Variants in KCNJ6 observed in about 807,000 individuals in gnomAD.
KCNJ6 encodes potassium inwardly rectifying channel subfamily J member 6, also known as G protein-activated inward rectifier potassium channel 2.
KCNJ6 carries 9 observed loss-of-function variants against 34.2 expected under a neutral mutation model. That is an observed-to-expected ratio of 0.26 (90% CI 0.16 to 0.46). The LOEUF (loss-of-function observed/expected upper bound fraction) is 0.46, where lower values mean the gene tolerates loss of function less well. Among genes scored for constraint, KCNJ6 ranks in the 20% least tolerant of loss-of-function variants. The probability of loss-of-function intolerance (pLI) is 1.00; values close to 1 mark genes in which losing one functional copy is unlikely to be tolerated. For missense variants in KCNJ6, 236 were observed against 531.3 expected, an observed-to-expected ratio of 0.44 and a Z score of 5.46; for synonymous variants, 196 against 207.1, an observed-to-expected ratio of 0.95 and a Z score of 0.46.
At chr21:37,707,735 G>GTGTGTGTGTGTATGTGTGCATGTGTATTC (rs1267356647) in intron 3 of KCNJ6, among the ~76,000 whole-genome samples, 1 of 149,680 alleles carries the variant, frequency 6.7e-6, no homozygotes, top group Non-Finnish European at 1.5e-5. Flanking sequence ...GTGTGTGTGT[G>GTGTGTGTGTGTATGTGTGCATGTGTATTC]AATAATTTAC....
chr21:37,863,846 G>GTTTTTTTTTGT, intron 1 of KCNJ6, among the ~76,000 whole-genome samples: 1 of 97,042 alleles, frequency 1.0e-5, no homozygotes, highest in Non-Finnish European at 2.0e-5. Context: ...AAATATAAAG[G>GTTTTTTTTTGT]TTTTTTTTTT....
chr21:37,777,638 C>CT (rs2055148588), intron 2 of KCNJ6, among the ~76,000 whole-genome samples: 1 of 152,108 alleles, frequency 6.6e-6, no homozygotes, highest in African/African-American at 2.4e-5. Context: ...GAACTGACAT[C>CT]TTTTTTGACA....
intron 2 of KCNJ6, among the ~76,000 whole-genome samples, chr21:37,760,714 A>T (rs1032776315): frequency 3.9e-5 from 6 of 152,166 alleles, no homozygotes; most frequent in Non-Finnish European, 7.3e-5. Context: ...ATGTTTTGGG[A>T]TGCAAGAAAA....
At chr21:37,696,902 C>G (rs755382187) in intron 3 of KCNJ6, among the ~76,000 whole-genome samples, 3 of 152,072 alleles carry the variant, frequency 2.0e-5, no homozygotes, top group Non-Finnish European at 4.4e-5. Context: ...TTCCTTCTGC[C>G]CCTAGCTCCT....
intron 3 of KCNJ6, among the ~76,000 whole-genome samples, chr21:37,633,289 A>G (rs904330126): frequency 6.6e-6 from 1 of 152,144 alleles, no homozygotes; most frequent in Admixed American, 6.5e-5. Flanking sequence ...TTATGATGAA[A>G]CTTCTTAATA....
intron 2 of KCNJ6, among the ~76,000 whole-genome samples, chr21:37,774,312 A>T (rs901785121): frequency 3.9e-5 from 6 of 152,116 alleles, no homozygotes; most frequent in Non-Finnish European, 8.8e-5. Flanking sequence ...AGAAGATAAT[A>T]GCAGCTTGTC....
intron 1 of KCNJ6, among the ~76,000 whole-genome samples, chr21:37,875,475 C>T (rs935366423): frequency 3.2e-4 from 48 of 152,108 alleles, no homozygotes; most frequent in East Asian, 5.8e-4. Flanking sequence ...GCAGCCAGGG[C>T]GCTAATCTTC....
chr21:37,888,443 ATTTTT>A lies in KCNJ6; in HGVS notation c.-28+27436_-28+27440del, dbSNP rs757478942. Among the ~76,000 whole-genome samples, 17 of 152,210 alleles carry A rather than the reference ATTTTT, an allele frequency of 1.1e-4. No individual in the cohort carries two copies. The East Asian group carries it at 3.3e-3, about 29-fold the overall frequency. On this transcript the variant is annotated intron_variant, in intron 1 of 3. Coordinates refer to ENST00000609713, the MANE Select transcript of KCNJ6 (RefSeq NM_002240.5). ...GTTTTGGAATACAAGGGCCAGATGG[ATTTTT>A]TTTAAGTTCTCCAAAGGTTGACTTT...
At chr21:37,702,734 A>G (rs2054698000) in intron 3 of KCNJ6, among the ~76,000 whole-genome samples, 1 of 152,222 alleles carries the variant, frequency 6.6e-6, no homozygotes, top group South Asian at 2.1e-4. Context: ...TGGTTGGAAT[A>G]GGCTCTGAGG....
At chr21:37,876,310 G>A (rs6517440) in intron 1 of KCNJ6, among the ~76,000 whole-genome samples, 152,289 of 152,290 alleles carry the variant, frequency 1, 76,144 homozygotes, top group Non-Finnish European at 1. Flanking sequence ...ACGGTTTCAG[G>A]GGTTAAGTAA....
intron 2 of KCNJ6, among the ~76,000 whole-genome samples, chr21:37,802,219 T>C (rs971595001): frequency 6.6e-6 from 1 of 152,170 alleles, no homozygotes; most frequent in African/African-American, 2.4e-5. Context: ...GAAGCAGTTG[T>C]TGCAGGGGGG....
chr21:37,879,759 C>T (rs943631776), intron 1 of KCNJ6, among the ~76,000 whole-genome samples: 2 of 111,630 alleles, frequency 1.8e-5, no homozygotes, highest in Admixed American at 1.8e-4. Context: ...GTGTGTGTGA[C>T]AGAGAGAGAG....
rs200774860 is a variant in KCNJ6 at position 37,761,599 on chromosome 21, TTGTG to T, written c.26-46472_26-46469del. Among the ~76,000 whole-genome samples, 1,309 of 149,338 alleles carry T rather than the reference TTGTG, an allele frequency of 8.8e-3. 53 individuals carry two copies. Among genetic ancestry groups the T allele is most frequent in the Admixed American group, 0.067 (985 of 14,662 alleles). ...TAGTGTGTGTGTATATTTGTGTGTGTTGTGTGTATGTAGTATTTGTGTATGTGTT... is the reference window on the plus strand; with the variant it reads ...TAGTGTGTGTGTATATTTGTGTGTGTTGTATGTAGTATTTGTGTATGTGTT... On this transcript the variant is annotated intron_variant, in intron 2 of 3. Coordinates refer to ENST00000609713, the MANE Select transcript of KCNJ6 (RefSeq NM_002240.5).
intron 3 of KCNJ6, among the ~76,000 whole-genome samples, chr21:37,703,031 T>G (rs1196386473): frequency 6.6e-6 from 1 of 152,094 alleles, no homozygotes; most frequent in Non-Finnish European, 1.5e-5. Flanking sequence ...GGACAGGTGA[T>G]TCTTTCTAGA....
chr21:37,714,239 G>C lies in KCNJ6; in HGVS notation c.918C>G (p.Val306=), dbSNP rs1569450579. 6.2e-7 allele frequency: 1 copy of C among 1,613,822 alleles called. No individual in the cohort carries two copies. The highest frequency in any genetic ancestry group is 8.5e-7 in the Non-Finnish European group (1 of 1,179,804). ...TGGCTTCCACCATTCCTTCTAGGAT[G>C]ACCACAATTTCCAGTTCCTCTTTGG... The part of the protein sequence containing the change: ...QLPKEELEIV[V]ILEGMVEATG... The change falls in exon 3 of 4, where the codon GTC becomes GTG. Residue 306 remains valine (V), a synonymous_variant. Coordinates refer to ENST00000609713, the MANE Select transcript of KCNJ6 (RefSeq NM_002240.5). This position sits in a 1 kb window ranked among gnomAD's most constrained non-coding sequence, Gnocchi z 5.9.
chr21:37,645,095 C>T (rs2123381108), intron 3 of KCNJ6, among the ~76,000 whole-genome samples: 1 of 149,410 alleles, frequency 6.7e-6, no homozygotes, highest in Non-Finnish European at 1.5e-5. Flanking sequence ...TAAAACAAGG[C>T]TGGGTATGGT....
At chr21:37,720,996 C>A (rs1006356273) in intron 2 of KCNJ6, among the ~76,000 whole-genome samples, 3 of 152,012 alleles carry the variant, frequency 2.0e-5, no homozygotes, top group Non-Finnish European at 2.9e-5. Flanking sequence ...CGTGAGCCAC[C>A]GCGCCCGGCC....
chr21:37,864,869 CTCT>C (rs1293977546), intron 1 of KCNJ6, among the ~76,000 whole-genome samples: 2 of 139,500 alleles, frequency 1.4e-5, no homozygotes, highest in Non-Finnish European at 3.0e-5. Flanking sequence ...CTGTCTCTCT[CTCT>C]TTTTTTTTTT....
intron 3 of KCNJ6, among the ~76,000 whole-genome samples, chr21:37,694,172 C>G (rs906711693): frequency 4.6e-5 from 7 of 152,188 alleles, no homozygotes; most frequent in Non-Finnish European, 8.8e-5. Flanking sequence ...GCCTCAGATA[C>G]CTGTGGGCCC....
Sources: allele counts gnomAD v4.1 joint callset (sites outside exome capture counted in the v4.1 genomes callset), GRCh38; gene constraint gnomAD v4.1.1; non-coding constraint Gnocchi (gnomAD v3.1); transcripts MANE v1.5; gene names NCBI Gene and HGNC (gene_info 2026-07-23, HGNC 2026-07-21).